LMBR1: variants seen among roughly 807,000 people sequenced by gnomAD.
LMBR1 encodes the protein limb development membrane protein 1, also known as limb region 1 protein homolog.
A neutral mutation model predicts 73.9 loss-of-function variants in LMBR1; 52 were observed. That is an observed-to-expected ratio of 0.70 (90% confidence interval 0.56 to 0.89). The LOEUF is 0.89. Ranked by LOEUF, LMBR1 falls within the 40% of genes least tolerant of loss-of-function variation. The pLI, the probability that LMBR1 is intolerant of heterozygous loss-of-function variation, is 0.00. For synonymous variants in LMBR1, 215 were observed against 209.4 expected (o/e 1.03, Z -0.23); for missense variants, 539 against 579.8 (o/e 0.93, Z 0.72).
intron 15 of LMBR1, among the ~76,000 whole-genome samples, chr7:156,700,169 T>C (rs1202287463): frequency 2.6e-5 from 4 of 152,100 alleles, no homozygotes; most frequent in African/African-American, 7.2e-5. Context: ...ATAGACTGGA[T>C]TAAGAAAATG....
At chr7:156,839,264 G>A (rs929812966) in intron 1 of LMBR1, among the ~76,000 whole-genome samples, 3 of 151,884 alleles carry the variant, frequency 2.0e-5, no homozygotes, top group Non-Finnish European at 4.4e-5. Context: ...GGTCAGGCTG[G>A]TCTCGAACTC....
chr7:156,890,905 A>G (rs1802789883), intron 1 of LMBR1, among the ~76,000 whole-genome samples: 1 of 152,178 alleles, frequency 6.6e-6, no homozygotes, highest in South Asian at 2.1e-4. Context: ...AAAAGTTCAT[A>G]GCCAGCCCGG....
chr7:156,816,322 C>T (rs1833915514), intron 4 of LMBR1, among the ~76,000 whole-genome samples: 1 of 152,138 alleles, frequency 6.6e-6, no homozygotes, highest in Admixed American at 6.6e-5. Context: ...TCTTGTGCCT[C>T]AGCCTCCCGA....
chr7:156,833,813 T>C, intron 2 of LMBR1, 21 bp from the exon 3 acceptor site: 1 of 1,505,028 alleles, frequency 6.6e-7, no homozygotes, highest in Non-Finnish European at 9.1e-7. Context: ...GTTTAAGGTA[T>C]TAATATTCCT....
intron 15 of LMBR1, among the ~76,000 whole-genome samples, chr7:156,723,481 A>G (rs1585383544): frequency 1.3e-5 from 2 of 152,300 alleles, no homozygotes; most frequent in South Asian, 4.1e-4. Flanking sequence ...TATGGTCTAC[A>G]ATAGCATTTT....
chr7:156,706,853 T>C (rs906305380), intron 15 of LMBR1, among the ~76,000 whole-genome samples: 3 of 140,976 alleles, frequency 2.1e-5, no homozygotes, highest in Admixed American at 1.4e-4. Flanking sequence ...CCAAAATCAG[T>C]AGAAGAAAAG....
At chr7:156,771,693 C>A (rs1333187827) in intron 5 of LMBR1, among the ~76,000 whole-genome samples, 1 of 152,080 alleles carries the variant, frequency 6.6e-6, no homozygotes, top group Non-Finnish European at 1.5e-5. Flanking sequence ...TGAAACTATT[C>A]CAAAAATTTA....
chr7:156,768,960 T>C (rs982029504), intron 5 of LMBR1, among the ~76,000 whole-genome samples: 2 of 151,932 alleles, frequency 1.3e-5, no homozygotes, highest in Non-Finnish European at 2.9e-5. Context: ...CCTCCTGGAG[T>C]ATTTGTGAGC....
rs1279915735 is a variant in LMBR1, at chr7:156,669,424, GA to G, written n.867-138del. On this transcript the variant is annotated intron_variant and non_coding_transcript_variant, in intron 4 of 4. Transcript: ENST00000430825. This position sits in a 1 kb window ranked among gnomAD's most constrained non-coding sequence, Gnocchi z 4.2. ...TTGAAATAAGGTGGAAATGTCTGAGGAGATGCACCCTGAACCCAAATGGAGG... is the reference window on the plus strand; with the variant it reads ...TTGAAATAAGGTGGAAATGTCTGAGGGATGCACCCTGAACCCAAATGGAGG... 2 of 152,286 alleles carry G rather than the reference GA, an allele frequency of 1.3e-5. No individual in the cohort carries two copies. Among genetic ancestry groups the G allele is most frequent in the Admixed American group, 6.5e-5 (1 of 15,286 alleles). 9.4% of individuals were successfully genotyped at this position (152,286 alleles called of 1,614,324 possible). A position where few individuals can be genotyped will look rare whatever the true frequency, so the allele number is the denominator to read the frequency against.
intron 15 of LMBR1, among the ~76,000 whole-genome samples, chr7:156,694,500 T>C: frequency 6.6e-6 from 1 of 152,182 alleles, no homozygotes; most frequent in East Asian, 1.9e-4. Flanking sequence ...TGAAAGCTTC[T>C]AAGATCTGGA....
At chr7:156,762,262 C>G in intron 7 of LMBR1, 64 bp from the exon 8 acceptor site, 5 of 949,566 alleles carry the variant, frequency 5.3e-6, no homozygotes, top group Non-Finnish European at 8.4e-6. Context: ...AAGAGATAAA[C>G]AACTAGACTG....
intron 9 of LMBR1, among the ~76,000 whole-genome samples, chr7:156,741,108 T>C (rs766711680): frequency 2.0e-5 from 3 of 152,192 alleles, no homozygotes; most frequent in Non-Finnish European, 4.4e-5. Context: ...GGTTATAGGA[T>C]AGTATTTGCA....
At chr7:156,868,942 G>A (rs1798873046) in intron 1 of LMBR1, among the ~76,000 whole-genome samples, 1 of 152,150 alleles carries the variant, frequency 6.6e-6, no homozygotes, top group African/African-American at 2.4e-5. Flanking sequence ...TCCAGCCTGG[G>A]TAACAAAGTA....
At chr7:156,710,940 A>T (rs1279135838) in intron 15 of LMBR1, among the ~76,000 whole-genome samples, 1 of 152,246 alleles carries the variant, frequency 6.6e-6, no homozygotes, top group African/African-American at 2.4e-5. Flanking sequence ...CAAATGAAGA[A>T]GAAAAATAAA....
rs369200335 is a variant in LMBR1, at chr7:156,711,618, G to A, written c.1225+12494C>T. Among the ~76,000 whole-genome samples, 27 of 152,256 alleles carry A rather than the reference G, an allele frequency of 1.8e-4. No individual in the cohort carries two copies. The East Asian group carries it at 4.1e-3, about 23-fold the overall frequency. On this transcript the variant is annotated intron_variant, in intron 15 of 16. Coordinates refer to ENST00000353442, the MANE Select transcript of LMBR1 (RefSeq NM_022458.4). ...CTTCAAATTATACAACAAGGATACA[G>A]TAACCATAAGAGTATGGTACTAGTA...
intron 4 of LMBR1, among the ~76,000 whole-genome samples, chr7:156,824,975 A>G (rs191092882): frequency 6.6e-6 from 1 of 152,342 alleles, no homozygotes; most frequent in Admixed American, 6.5e-5. Flanking sequence ...AAACGAAAGC[A>G]TACTTAGCTG....
intron 1 of LMBR1, 108 bp downstream of exon 1, chr7:156,892,820 G>A (rs1403157910): frequency 3.5e-5 from 19 of 539,030 alleles, no homozygotes; most frequent in South Asian, 2.1e-4. Flanking sequence ...CGGGAGGCGC[G>A]AGGCGAGGCC....
At chr7:156,891,229 TATATACAC>T (rs1190168696) in intron 1 of LMBR1, among the ~76,000 whole-genome samples, 49 of 81,546 alleles carry the variant, frequency 6.0e-4, no homozygotes, top group East Asian at 1.7e-3. Context: ...TATATATATA[TATATACAC>T]ACACACACAC....
intron 4 of LMBR1, among the ~76,000 whole-genome samples, chr7:156,819,923 T>C (rs1241991129): frequency 2.0e-5 from 3 of 152,076 alleles, no homozygotes; most frequent in South Asian, 2.1e-4. Context: ...GCTATTATGG[T>C]GGGAAAGACC....
Sources: allele counts gnomAD v4.1 joint callset (sites outside exome capture counted in the v4.1 genomes callset), GRCh38; gene constraint gnomAD v4.1.1; non-coding constraint Gnocchi (gnomAD v3.1); transcripts MANE v1.5; gene names NCBI Gene and HGNC (gene_info 2026-07-23, HGNC 2026-07-21).